The following ZBTB20 variants were observed in gnomAD, a reference collection of about 807,000 sequenced individuals.
ZBTB20 encodes zinc finger and BTB domain containing 20.
Under a neutral mutation model 56.9 loss-of-function variants are expected in ZBTB20, and 9 were observed. The observed-to-expected ratio is 0.16, with a 90% confidence interval of 0.10 to 0.28. The LOEUF is 0.28. ZBTB20 is among the 10% of genes least tolerant of loss of function. ZBTB20 has a pLI of 1.00. For missense variants in ZBTB20, 655 were observed against 1,003.0 expected, an observed-to-expected ratio of 0.65 and a Z score of 4.69; for synonymous variants, 417 against 420.7, an observed-to-expected ratio of 0.99 and a Z score of 0.11.
At chr3:114,627,622 A>C (rs1017714554) in intron 6 of ZBTB20, among the ~76,000 whole-genome samples, 1 of 152,214 alleles carries the variant, frequency 6.6e-6, no homozygotes, top group Non-Finnish European at 1.5e-5. Flanking sequence ...TGACTTGTAC[A>C]TGGAGAATTC....
intron 5 of ZBTB20, among the ~76,000 whole-genome samples, chr3:114,792,547 C>T (rs1435890246): frequency 3.3e-5 from 5 of 152,126 alleles, no homozygotes; most frequent in Non-Finnish European, 7.3e-5. Context: ...TATACTGATG[C>T]CCCACATCCC....
At chr3:114,477,041 C>G (rs1276987429) in intron 7 of ZBTB20, among the ~76,000 whole-genome samples, 1 of 152,168 alleles carries the variant, frequency 6.6e-6, no homozygotes, top group Non-Finnish European at 1.5e-5. Context: ...ATCCCTTCCA[C>G]AGTACCTAGA....
intron 4 of ZBTB20, among the ~76,000 whole-genome samples, chr3:114,891,807 G>A (rs1483733695): frequency 1.3e-5 from 2 of 152,166 alleles, no homozygotes; most frequent in African/African-American, 4.8e-5. Context: ...AGCACTTTGG[G>A]AGGCCCAGGC....
chr3:114,609,988 G>T (rs899407639), intron 6 of ZBTB20, among the ~76,000 whole-genome samples: 3 of 152,176 alleles, frequency 2.0e-5, no homozygotes, highest in African/African-American at 7.2e-5. Context: ...CAGGTTAAGT[G>T]AGAACGAGAA....
At chr3:115,119,312 T>TA (rs2084113856) in intron 1 of ZBTB20, among the ~76,000 whole-genome samples, 1 of 152,220 alleles carries the variant, frequency 6.6e-6, no homozygotes, top group African/African-American at 2.4e-5. Context: ...TTAACATTAT[T>TA]AACCCTTTTG....
chr3:114,997,547 TTTTC>T (rs1205680853), intron 2 of ZBTB20, among the ~76,000 whole-genome samples: 1 of 150,668 alleles, frequency 6.6e-6, no homozygotes, highest in Non-Finnish European at 1.5e-5. Context: ...TAGGAAAGAG[TTTTC>T]TTTTTCTTTT....
intron 7 of ZBTB20, among the ~76,000 whole-genome samples, chr3:114,428,338 C>T (rs566586675): frequency 3.3e-5 from 5 of 152,266 alleles, no homozygotes; most frequent in South Asian, 2.1e-4. Flanking sequence ...TACCTCACTC[C>T]GGAAATGGTA....
At chr3:114,355,039 A>G (rs924970720) in intron 10 of ZBTB20, among the ~76,000 whole-genome samples, 1 of 152,202 alleles carries the variant, frequency 6.6e-6, no homozygotes, top group African/African-American at 2.4e-5. Context: ...ACAGTGGATC[A>G]CTGAGGAATG....
chr3:114,963,995 T>C (rs2077549475), intron 3 of ZBTB20, among the ~76,000 whole-genome samples: 2 of 152,210 alleles, frequency 1.3e-5, no homozygotes, highest in South Asian at 2.1e-4. Context: ...TTTAAGTCCA[T>C]TCATAGTCTA....
chr3:114,516,868 G>A (rs1192108238), intron 6 of ZBTB20, among the ~76,000 whole-genome samples: 1 of 152,156 alleles, frequency 6.6e-6, no homozygotes, highest in Non-Finnish European at 1.5e-5. Flanking sequence ...CGACCCTGTT[G>A]ATACTTTAAT....
At chr3:114,440,118 G>A (rs2090813007) in intron 7 of ZBTB20, among the ~76,000 whole-genome samples, 1 of 151,444 alleles carries the variant, frequency 6.6e-6, no homozygotes, top group South Asian at 2.1e-4. Context: ...AAAAGTGACT[G>A]ACCTTCACAA....
intron 6 of ZBTB20, among the ~76,000 whole-genome samples, chr3:114,669,630 A>G (rs2061252594): frequency 3.3e-5 from 5 of 152,006 alleles, no homozygotes; most frequent in Admixed American, 3.3e-4. Flanking sequence ...ACACATTAAA[A>G]AAAAAAAAAC....
At chr3:115,096,146 CA>C (rs1456226914) in intron 1 of ZBTB20, among the ~76,000 whole-genome samples, 1 of 152,060 alleles carries the variant, frequency 6.6e-6, no homozygotes, top group Non-Finnish European at 1.5e-5. Context: ...CAGTATGAAA[CA>C]AATTATTTTA....
At chr3:114,888,255 C>CA (rs202221414) in intron 4 of ZBTB20, among the ~76,000 whole-genome samples, 3,495 of 148,906 alleles carry the variant, frequency 0.023, 49 homozygotes, top group South Asian at 0.05. Flanking sequence ...CCCATTTCTA[C>CA]AAAAAAAAAA....
At chr3:114,746,111 T>C (rs1387596032) in intron 5 of ZBTB20, among the ~76,000 whole-genome samples, 2 of 152,228 alleles carry the variant, frequency 1.3e-5, no homozygotes, top group African/African-American at 4.8e-5. Context: ...AAGGACATGC[T>C]GATCAGATTG....
chr3:114,971,325 G>T (rs1487951887), intron 3 of ZBTB20, among the ~76,000 whole-genome samples: 6 of 152,184 alleles, frequency 3.9e-5, no homozygotes, highest in Admixed American at 6.5e-5. Flanking sequence ...CTCATTCCTA[G>T]GATCAAACCA....
chr3:114,531,292 T>A (rs900443762), intron 6 of ZBTB20, among the ~76,000 whole-genome samples: 1 of 152,208 alleles, frequency 6.6e-6, no homozygotes. Flanking sequence ...ATCTAAATTA[T>A]CTAATTAAGT....
chr3:114,694,734 T>C (rs2108334266), intron 5 of ZBTB20, among the ~76,000 whole-genome samples: 1 of 152,066 alleles, frequency 6.6e-6, no homozygotes, highest in South Asian at 2.1e-4. Context: ...TTAATGAGGA[T>C]CACCAAAGTA....
intron 2 of ZBTB20, among the ~76,000 whole-genome samples, chr3:115,009,423 T>C (rs1217651554): frequency 6.6e-6 from 1 of 151,920 alleles, no homozygotes; most frequent in Non-Finnish European, 1.5e-5. Flanking sequence ...CTCCCAACAA[T>C]GCTTTCTCAT....
Sources: allele counts gnomAD v4.1 joint callset (sites outside exome capture counted in the v4.1 genomes callset), GRCh38; gene constraint gnomAD v4.1.1; transcripts MANE v1.5; gene names NCBI Gene and HGNC (gene_info 2026-07-23, HGNC 2026-07-21).